The following CBFA2T2 variants were observed in gnomAD, a reference collection of about 807,000 sequenced individuals.
CBFA2T2 encodes CBFA2/RUNX1 partner transcriptional co-repressor 2, also known as protein CBFA2T2.
CBFA2T2 carries 11 observed loss-of-function variants against 62.2 expected under a neutral mutation model. That is an observed-to-expected ratio of 0.18 (90% CI 0.11 to 0.29). The LOEUF is 0.29. CBFA2T2 is among the 10% of genes least tolerant of loss of function. The probability of loss-of-function intolerance (pLI) is 1.00; values close to 1 mark genes in which losing one functional copy is unlikely to be tolerated. For missense variants in CBFA2T2, 592 were observed against 774.1 expected (o/e 0.76, Z 2.79); for synonymous variants, 295 against 287.5 (o/e 1.03, Z -0.27).
At chr20:33,593,324 C>T (rs1389966290) in intron 1 of CBFA2T2, among the ~76,000 whole-genome samples, 4 of 151,366 alleles carry the variant, frequency 2.6e-5, no homozygotes, top group African/African-American at 9.7e-5. Context: ...AGTGAGATTC[C>T]GTCTCAAAAA....
At chr20:33,620,627 G>A (rs946150577) in intron 4 of CBFA2T2, among the ~76,000 whole-genome samples, 1 of 152,216 alleles carries the variant, frequency 6.6e-6, no homozygotes, top group Non-Finnish European at 1.5e-5. Context: ...ATTACCTGAG[G>A]TCAGGAGTTA....
At chr20:33,551,449 C>G (rs980083107) in intron 1 of CBFA2T2, among the ~76,000 whole-genome samples, 6 of 152,034 alleles carry the variant, frequency 3.9e-5, no homozygotes, top group Non-Finnish European at 8.8e-5. Flanking sequence ...CTCCCGACCT[C>G]AGGTGATCTG....
intron 3 of CBFA2T2, among the ~76,000 whole-genome samples, chr20:33,619,240 C>T (rs986208224): frequency 6.6e-6 from 1 of 151,900 alleles, no homozygotes; most frequent in Non-Finnish European, 1.5e-5. Flanking sequence ...AATAAAAAGA[C>T]CGGGCGCGGT....
intron 1 of CBFA2T2, among the ~76,000 whole-genome samples, chr20:33,515,230 AG>A (rs2011579044): frequency 6.6e-6 from 1 of 151,402 alleles, no homozygotes; most frequent in Non-Finnish European, 1.5e-5. Flanking sequence ...AGGCGCCTGT[AG>A]TCCCAGCTAC....
chr20:33,592,391 T>TATAA (rs1555840429), intron 1 of CBFA2T2, among the ~76,000 whole-genome samples: 13 of 147,226 alleles, frequency 8.8e-5, no homozygotes, highest in South Asian at 8.4e-4. Context: ...TATATATATA[T>TATAA]AATTATGTAA....
intron 3 of CBFA2T2, among the ~76,000 whole-genome samples, chr20:33,617,583 C>T (rs2015757135): frequency 6.6e-6 from 1 of 152,138 alleles, no homozygotes; most frequent in Non-Finnish European, 1.5e-5. Flanking sequence ...TTCATGTAGC[C>T]CTTCCATACA....
chr20:33,616,630 G>A (rs561105860), intron 3 of CBFA2T2, among the ~76,000 whole-genome samples: 74 of 152,052 alleles, frequency 4.9e-4, no homozygotes, highest in Admixed American at 6.5e-4. Context: ...GGAAGGCTGA[G>A]GCACAAGAAT....
intron 1 of CBFA2T2, among the ~76,000 whole-genome samples, chr20:33,507,491 A>G (rs180821418): frequency 4.5e-4 from 68 of 152,298 alleles, no homozygotes; most frequent in African/African-American, 1.6e-3. Context: ...TGGACTGGCT[A>G]TGTATTTAGC....
intron 5 of CBFA2T2, chr20:33,623,953 G>GAAA: frequency 2.3e-6 from 1 of 425,664 alleles, no homozygotes; most frequent in African/African-American, 2.3e-5. Flanking sequence ...AGAAAGAATT[G>GAAA]GAAAAAAAAA....
chr20:33,640,489 G>A lies in CBFA2T2; in HGVS notation c.1446G>A (p.Glu482=). 6.2e-7 allele frequency: 1 copy of A among 1,614,242 alleles called. No individual in the cohort carries two copies. Among genetic ancestry groups the A allele is most frequent in the Non-Finnish European group, 8.5e-7 (1 of 1,180,050 alleles). The change falls in exon 10 of 11, where the codon GAG becomes GAA. Residue 482 remains glutamate, a synonymous_variant. Coordinates refer to ENST00000342704, the MANE Select transcript of CBFA2T2 (RefSeq NM_001032999.3). ...TIADVKRQAA[E]DAFLVINEQE... is the part of the protein sequence containing the mutation. ...CGGATGTCAAGCGGCAGGCCGCAGA[G>A]GATGCTTTCCTCGTCATCAATGAGC...
chr20:33,592,775 AC>A (rs1568839385), intron 1 of CBFA2T2, among the ~76,000 whole-genome samples: 24 of 152,202 alleles, frequency 1.6e-4, no homozygotes, highest in African/African-American at 5.8e-4. Flanking sequence ...TGAATGGGTC[AC>A]TGCCACTTAA....
chr20:33,536,977 G>A (rs1336649928), intron 1 of CBFA2T2, among the ~76,000 whole-genome samples: 2 of 151,240 alleles, frequency 1.3e-5, no homozygotes, highest in East Asian at 2.0e-4. Flanking sequence ...GATGGCGGCC[G>A]GGAAGAGGCG....
chr20:33,524,493 C>T (rs867029489), intron 1 of CBFA2T2, among the ~76,000 whole-genome samples: 2 of 152,100 alleles, frequency 1.3e-5, no homozygotes, highest in Middle Eastern at 3.4e-3. Context: ...ACATTTCTCC[C>T]GCTTTGTAGT....
At chr20:33,525,093 C>T (rs1225864714) in intron 1 of CBFA2T2, among the ~76,000 whole-genome samples, 2 of 152,166 alleles carry the variant, frequency 1.3e-5, no homozygotes, top group African/African-American at 2.4e-5. Context: ...GCCTTGGCCT[C>T]TCAGAGTGCT....
intron 1 of CBFA2T2, among the ~76,000 whole-genome samples, chr20:33,543,396 G>C (rs1004356409): frequency 6.6e-6 from 1 of 152,148 alleles, no homozygotes; most frequent in Non-Finnish European, 1.5e-5. Context: ...ATTTTCTGGC[G>C]CAATGGAGTG....
chr20:33,644,784 G>GAATAATAACACCCC lies in CBFA2T2; in HGVS notation c.*140_*153dup. ...TTGGAGGCAGGAAGAGTCCAAGCCT[G>GAATAATAACACCCC]AATAATAACACCCCACAGCCTCTCT... is the stretch of plus-strand genomic sequence containing the variant. On this transcript the variant is annotated 3_prime_UTR_variant, in exon 11 of 11. Coordinates refer to ENST00000342704, the MANE Select transcript of CBFA2T2 (RefSeq NM_001032999.3). The GAATAATAACACCCC allele has an allele frequency of 1.2e-6, 1 of 860,150 alleles. No homozygotes were observed. Among genetic ancestry groups the GAATAATAACACCCC allele is most frequent in the South Asian group, 1.8e-5 (1 of 56,994 alleles). 53.3% of individuals were successfully genotyped at this position (860,150 alleles called of 1,614,324 possible).
intron 7 of CBFA2T2, 74 bp downstream of exon 7, chr20:33,628,509 C>T: frequency 9.6e-7 from 1 of 1,041,672 alleles, no homozygotes; most frequent in Non-Finnish European, 1.5e-6. Flanking sequence ...CGCTCTGTCA[C>T]CCAGGATGGA....
At chr20:33,586,452 G>C (rs1045033105) in intron 1 of CBFA2T2, among the ~76,000 whole-genome samples, 1 of 152,084 alleles carries the variant, frequency 6.6e-6, no homozygotes, top group East Asian at 1.9e-4. Context: ...TTGTTATCTC[G>C]GTTATAGACA....
chr20:33,640,435 A>G lies in CBFA2T2; in HGVS notation c.1392A>G (p.Thr464=). ...AGAAAGCCTTTGAAGTGATTGCAACAGAGAGAGCACGAATGGAGCAAACCA... is the reference window on the plus strand; with the variant it reads ...AGAAAGCCTTTGAAGTGATTGCAACGGAGAGAGCACGAATGGAGCAAACCA... The part of the protein sequence containing the change: ...AEQKAFEVIA[T]ERARMEQTIA... Residue 464 remains threonine, a synonymous_variant, in exon 10 of 11, where the codon ACA becomes ACG. Coordinates refer to ENST00000342704, the MANE Select transcript of CBFA2T2 (RefSeq NM_001032999.3). The G allele has an allele frequency of 6.2e-7, 1 of 1,614,290 alleles. No individual in the cohort carries two copies. The highest frequency in any genetic ancestry group is 8.5e-7 in the Non-Finnish European group (1 of 1,180,050).
Sources: gnomAD v4.1 joint callset for allele counts (sites outside exome capture counted in the v4.1 genomes callset) on GRCh38, gnomAD v4.1.1 for gene constraint, MANE v1.5 for transcripts, NCBI Gene and HGNC (gene_info 2026-07-23, HGNC 2026-07-21) for gene names.